The following XKR4 variants were observed in gnomAD, a reference collection of about 807,000 sequenced individuals.
The protein encoded by XKR4 is XK-related protein 4.
A neutral mutation model predicts 53.9 loss-of-function variants in XKR4; 12 were observed. The observed-to-expected ratio is 0.22, with a 90% CI of 0.14 to 0.36. The LOEUF is 0.36. XKR4 is among the 10% of genes least tolerant of loss of function. XKR4 has a pLI of 1.00. For synonymous variants in XKR4, 354 were observed against 362.4 expected (o/e 0.98, Z 0.26); for missense variants, 799 against 859.5 (o/e 0.93, Z 0.88).
rs1013929226 is a variant in XKR4 at position 55,490,121 on chromosome 8, T to C, written c.1007-33160T>C. Among the ~76,000 whole-genome samples, 7 of 152,142 alleles carry C rather than the reference T, an allele frequency of 4.6e-5. No homozygotes were observed. In the East Asian group the frequency reaches 1.4e-3, roughly 30 times the overall value. ...TGCATACATCCAAGTTTGCTTCTAATATGCTTTCCCTACAACATAAACTGT... is the reference window on the plus strand; with the variant it reads ...TGCATACATCCAAGTTTGCTTCTAACATGCTTTCCCTACAACATAAACTGT... On this transcript the variant is annotated intron_variant, in intron 2 of 2. Coordinates refer to ENST00000327381, the MANE Select transcript of XKR4 (RefSeq NM_052898.2).
intron 2 of XKR4, among the ~76,000 whole-genome samples, chr8:55,458,783 C>T (rs1805607542): frequency 6.6e-6 from 1 of 152,174 alleles, no homozygotes; most frequent in Non-Finnish European, 1.5e-5. Context: ...TCTCTTCTCT[C>T]CTTTTCTGCT....
At chr8:55,192,632 C>T (rs988939048) in intron 1 of XKR4, among the ~76,000 whole-genome samples, 1 of 152,130 alleles carries the variant, frequency 6.6e-6, no homozygotes, top group African/African-American at 2.4e-5. Flanking sequence ...TTGTCAGGTG[C>T]AGACCAACAC....
At chr8:55,196,902 G>A (rs577352025) in intron 1 of XKR4, among the ~76,000 whole-genome samples, 2 of 152,212 alleles carry the variant, frequency 1.3e-5, no homozygotes, top group East Asian at 1.9e-4. Flanking sequence ...GTGATTGGAC[G>A]GACGCTAGAA....
intron 1 of XKR4, among the ~76,000 whole-genome samples, chr8:55,132,980 G>T (rs2129353260): frequency 6.6e-6 from 1 of 152,314 alleles, no homozygotes; most frequent in South Asian, 2.1e-4. Context: ...GGTGGGTTGA[G>T]CCAGTGGGTG....
At chr8:55,334,885 T>A (rs1250548263) in intron 1 of XKR4, among the ~76,000 whole-genome samples, 2 of 152,214 alleles carry the variant, frequency 1.3e-5, no homozygotes, top group African/African-American at 4.8e-5. Context: ...CTAATTTTCC[T>A]GGGTCCTTTG....
At chr8:55,478,335 A>G (rs1297283258) in intron 2 of XKR4, among the ~76,000 whole-genome samples, 1 of 152,106 alleles carries the variant, frequency 6.6e-6, no homozygotes, top group Non-Finnish European at 1.5e-5. Flanking sequence ...AATACTTTAC[A>G]GACAAGCAAA....
chr8:55,156,941 A>C (rs1391153346), intron 1 of XKR4, among the ~76,000 whole-genome samples: 2 of 152,250 alleles, frequency 1.3e-5, no homozygotes, highest in Non-Finnish European at 2.9e-5. Context: ...ATACAGTAAC[A>C]GTCCATAAAA....
At chr8:55,105,781 T>G (rs1298800883) in intron 1 of XKR4, among the ~76,000 whole-genome samples, 2 of 152,180 alleles carry the variant, frequency 1.3e-5, no homozygotes, top group Non-Finnish European at 2.9e-5. Context: ...AAACAAAACT[T>G]TAGCCTAATG....
At chr8:55,414,680 C>T (rs1483384816) in intron 2 of XKR4, among the ~76,000 whole-genome samples, 2 of 151,904 alleles carry the variant, frequency 1.3e-5, no homozygotes, top group African/African-American at 4.8e-5. Flanking sequence ...CACTAGGGAC[C>T]ATTTAAGAGG....
chr8:55,137,681 A>C (rs1473106037), intron 1 of XKR4, among the ~76,000 whole-genome samples: 1 of 150,902 alleles, frequency 6.6e-6, no homozygotes, highest in Admixed American at 6.6e-5. Context: ...TTCCTGCTTC[A>C]ACCTCTCAAG....
At position 55,151,430 on chromosome 8, in the gene XKR4, A is replaced by G. The variant is rs116673463; in HGVS notation, c.806+48136A>G. The stretch of plus-strand genomic sequence containing the variant: ...GTACCGCAAACTTCTGTCTCTCCTC[A>G]TTGTCTCATACATGACATGACTACA... On this transcript the variant is annotated intron_variant, in intron 1 of 2. Coordinates refer to ENST00000327381, the MANE Select transcript of XKR4 (RefSeq NM_052898.2). 1.7e-3 allele frequency among the ~76,000 whole-genome samples: 258 copies of G among 152,296 alleles called. 3 individuals carry two copies. Among genetic ancestry groups the G allele is most frequent in the African/African-American group, 4.9e-3 (203 of 41,566 alleles).
At chr8:55,334,147 G>A (rs1803419838) in intron 1 of XKR4, among the ~76,000 whole-genome samples, 2 of 152,098 alleles carry the variant, frequency 1.3e-5, no homozygotes, top group Non-Finnish European at 2.9e-5. Context: ...AAACATAGAG[G>A]ACATTACCTC....
intron 2 of XKR4, among the ~76,000 whole-genome samples, chr8:55,390,414 T>C (rs940313953): frequency 1.4e-4 from 22 of 152,252 alleles, no homozygotes; most frequent in Non-Finnish European, 3.1e-4. Context: ...AAAGGGTTTT[T>C]TACAAAGTAA....
Position 55,288,530 on chromosome 8 carries a change from C to G in XKR4, c.807-69148C>G, listed in dbSNP as rs377110384. On this transcript the variant is annotated intron_variant, in intron 1 of 2. Coordinates refer to ENST00000327381, the MANE Select transcript of XKR4 (RefSeq NM_052898.2). Reference sequence around the variant, plus strand: ...TTTCAGGTTCATCCTACTAGTATGCCAGATAATAATGAATCTTATACTTGG... The same window carrying G: ...TTTCAGGTTCATCCTACTAGTATGCGAGATAATAATGAATCTTATACTTGG... Among the ~76,000 whole-genome samples, 4 of 152,170 alleles carry G rather than the reference C, an allele frequency of 2.6e-5. 1 individual carries two copies. Among genetic ancestry groups the G allele is most frequent in the Admixed American group, 6.5e-5 (1 of 15,286 alleles).
intron 1 of XKR4, among the ~76,000 whole-genome samples, chr8:55,132,810 T>C (rs1816576824): frequency 6.6e-6 from 1 of 152,166 alleles, no homozygotes; most frequent in Non-Finnish European, 1.5e-5. Flanking sequence ...AGAATTCTAC[T>C]AAAAGGAATG....
At chr8:55,161,513 A>G (rs1585912294) in intron 1 of XKR4, 1 of 455,866 alleles carries the variant, frequency 2.2e-6, no homozygotes. Context: ...GAAAAAACAG[A>G]AAAGGGCAGG....
intron 1 of XKR4, among the ~76,000 whole-genome samples, chr8:55,141,671 CTGTGTGTG>C (rs370296200): frequency 5.2e-5 from 7 of 135,154 alleles, no homozygotes; most frequent in South Asian, 2.8e-4. Flanking sequence ...CTCTCTCTCT[CTGTGTGTG>C]TGTGTGTGTG....
intron 2 of XKR4, among the ~76,000 whole-genome samples, chr8:55,393,429 AG>A (rs1804471327): frequency 5.1e-5 from 3 of 58,814 alleles, no homozygotes; most frequent in Non-Finnish European, 2.1e-4. Context: ...GAAGGAAGGA[AG>A]GAAGGAAGGA....
intron 1 of XKR4, among the ~76,000 whole-genome samples, chr8:55,169,367 A>G (rs958812393): frequency 1.8e-4 from 28 of 152,260 alleles, no homozygotes; most frequent in Admixed American, 2.0e-4. Flanking sequence ...AGTAATGCCC[A>G]TCCGTGGTTT....
Sources: gnomAD v4.1 joint callset for allele counts (sites outside exome capture counted in the v4.1 genomes callset) on GRCh38, gnomAD v4.1.1 for gene constraint, MANE v1.5 for transcripts, NCBI Gene and HGNC (gene_info 2026-07-23, HGNC 2026-07-21) for gene names.